PPM1H: variants seen among roughly 807,000 people sequenced by gnomAD.
PPM1H encodes protein phosphatase 1H.
PPM1H carries 27 observed loss-of-function variants against 54.9 expected under a neutral mutation model. The observed-to-expected ratio is 0.49, with a 90% confidence interval of 0.36 to 0.68. The LOEUF is 0.68. Ranked by LOEUF, PPM1H falls within the 30% of genes least tolerant of loss-of-function variation. PPM1H has a pLI of 0.00. For missense variants in PPM1H, 596 were observed against 667.8 expected (o/e 0.89, Z 1.19); for synonymous variants, 305 against 270.8 (o/e 1.13, Z -1.24).
intron 2 of PPM1H, among the ~76,000 whole-genome samples, chr12:62,811,685 T>C (rs1327132824): frequency 6.6e-6 from 1 of 152,168 alleles, no homozygotes; most frequent in Non-Finnish European, 1.5e-5. Flanking sequence ...TCACAAGATA[T>C]GATGGTTTCA....
chr12:62,825,218 T>A (rs1186614158), intron 2 of PPM1H, among the ~76,000 whole-genome samples: 1 of 152,080 alleles, frequency 6.6e-6, no homozygotes, highest in Non-Finnish European at 1.5e-5. Flanking sequence ...AGAGAGGCGA[T>A]TAAAAAGTCA....
intron 4 of PPM1H, among the ~76,000 whole-genome samples, chr12:62,752,718 C>T (rs1257630477): frequency 6.6e-6 from 1 of 152,084 alleles, no homozygotes; most frequent in Non-Finnish European, 1.5e-5. Context: ...ATAATTTATC[C>T]AAGGCTCTTA....
At chr12:62,827,903 G>T (rs200935238) in intron 2 of PPM1H, among the ~76,000 whole-genome samples, 2 of 152,224 alleles carry the variant, frequency 1.3e-5, no homozygotes, top group East Asian at 3.9e-4. Flanking sequence ...TCACTCCATT[G>T]TAGTACCACT....
intron 3 of PPM1H, 56 bp downstream of exon 3, chr12:62,801,760 G>A: frequency 6.3e-7 from 1 of 1,581,640 alleles, no homozygotes; most frequent in East Asian, 2.3e-5. Context: ...AGGACGGACA[G>A]ACCTGGCGCA....
At chr12:62,824,197 T>C (rs1019051562) in intron 2 of PPM1H, among the ~76,000 whole-genome samples, 4 of 152,268 alleles carry the variant, frequency 2.6e-5, no homozygotes, top group Non-Finnish European at 1.5e-5. Flanking sequence ...TTACAAGGGA[T>C]GTGAAGGGCC....
chr12:62,922,467 T>C (rs1342308739), intron 1 of PPM1H, among the ~76,000 whole-genome samples: 2 of 152,178 alleles, frequency 1.3e-5, no homozygotes, highest in East Asian at 1.9e-4. Flanking sequence ...TCCTCTTTTA[T>C]TGAATATAGA....
chr12:62,666,309 T>C (rs1315131948), intron 9 of PPM1H, among the ~76,000 whole-genome samples: 1 of 152,192 alleles, frequency 6.6e-6, no homozygotes, highest in Non-Finnish European at 1.5e-5. Flanking sequence ...TTCTGATGCC[T>C]CTGTTATTCC....
chr12:62,700,662 T>C (rs1025549398), intron 6 of PPM1H, among the ~76,000 whole-genome samples: 18 of 152,192 alleles, frequency 1.2e-4, no homozygotes, highest in Non-Finnish European at 2.2e-4. Context: ...CTCTGTGCAA[T>C]GATCTAGGCA....
intron 1 of PPM1H, among the ~76,000 whole-genome samples, chr12:62,880,265 C>G (rs1374528437): frequency 2.0e-5 from 3 of 152,202 alleles, no homozygotes; most frequent in African/African-American, 4.8e-5. Context: ...ACTGCTCTAA[C>G]AAAGTCAATG....
intron 1 of PPM1H, among the ~76,000 whole-genome samples, chr12:62,931,079 A>C (rs1872118162): frequency 6.6e-6 from 1 of 152,214 alleles, no homozygotes. Flanking sequence ...AGGGATTAAC[A>C]GTAAGTGGCA....
rs916077783 is a variant in PPM1H at position 62,663,980 on chromosome 12, G to A, written c.1397+3198C>T. ...GCACTCCAGCCTGGGCAACAAGAGC[G>A]AAACTCCATCTCAAAAAAAAAAAAA... On this transcript the variant is annotated intron_variant, in intron 9 of 9. Transcript: ENST00000228705. Among the ~76,000 whole-genome samples the A allele has an allele frequency of 3.4e-4, 44 of 128,458 alleles. 1 individual carries two copies. Among genetic ancestry groups the A allele is most frequent in the South Asian group, 5.7e-4 (2 of 3,522 alleles). 84.3% of individuals were successfully genotyped at this position (128,458 alleles called of 152,430 possible).
At chr12:62,895,251 G>A (rs1009245932) in intron 1 of PPM1H, among the ~76,000 whole-genome samples, 1 of 152,106 alleles carries the variant, frequency 6.6e-6, no homozygotes, top group Admixed American at 6.5e-5. Flanking sequence ...TAGAAGAGAG[G>A]GCAAGCCAAT....
intron 1 of PPM1H, among the ~76,000 whole-genome samples, chr12:62,862,446 A>G (rs1215916152): frequency 6.6e-6 from 1 of 152,254 alleles, no homozygotes; most frequent in Non-Finnish European, 1.5e-5. Context: ...CTGAGCATCT[A>G]TCGAGTCTTC....
intron 1 of PPM1H, among the ~76,000 whole-genome samples, chr12:62,871,828 C>T (rs1359907094): frequency 6.6e-6 from 1 of 152,016 alleles, no homozygotes; most frequent in African/African-American, 2.4e-5. Context: ...AATTGTATAT[C>T]TTAAATGGGT....
intron 2 of PPM1H, among the ~76,000 whole-genome samples, chr12:62,817,880 TCTCCC>T (rs1565797951): frequency 2.0e-5 from 3 of 152,170 alleles, no homozygotes; most frequent in African/African-American, 7.2e-5. Flanking sequence ...TCAGCTTTCC[TCTCCC>T]CTGCTGATGG....
intron 4 of PPM1H, among the ~76,000 whole-genome samples, chr12:62,748,276 A>G (rs1052802349): frequency 6.6e-6 from 1 of 151,912 alleles, no homozygotes; most frequent in African/African-American, 2.4e-5. Flanking sequence ...TCCTCCAAGT[A>G]AGACAAAGGG....
intron 4 of PPM1H, among the ~76,000 whole-genome samples, chr12:62,785,814 C>G (rs1340038948): frequency 6.9e-6 from 1 of 144,580 alleles, no homozygotes; most frequent in Non-Finnish European, 1.5e-5. Context: ...GTAGGTGGCT[C>G]TTTTAAGGAG....
intron 3 of PPM1H, 153 bp from the exon 4 acceptor site, chr12:62,788,491 C>T: frequency 1.7e-6 from 1 of 575,446 alleles, no homozygotes; most frequent in Non-Finnish European, 3.1e-6. Flanking sequence ...ACCTGATGAG[C>T]ATTTCTGGAG....
rs543565296 is a variant in PPM1H at position 62,697,133 on chromosome 12, C to CTTTTTTT, written c.1074-3141_1074-3135dup. Among the ~76,000 whole-genome samples, 39 of 146,532 alleles carry CTTTTTTT rather than the reference C, an allele frequency of 2.7e-4. 1 individual carries two copies. Among genetic ancestry groups the CTTTTTTT allele is most frequent in the South Asian group, 8.7e-4 (4 of 4,616 alleles). On this transcript the variant is annotated intron_variant, in intron 6 of 9. Transcript: ENST00000228705. ...GTCAGCAGAAGTGATGGTCTGTGTTCTTTTTTTTTTTGAGACAGAGTCTCG... is the reference window on the plus strand; with the variant it reads ...GTCAGCAGAAGTGATGGTCTGTGTTCTTTTTTTTTTTTTTTTTTGAGACAGAGTCTCG...
Sources: allele counts gnomAD v4.1 joint callset (sites outside exome capture counted in the v4.1 genomes callset), GRCh38; gene constraint gnomAD v4.1.1; transcripts MANE v1.5; gene names NCBI Gene and HGNC (gene_info 2026-07-23, HGNC 2026-07-21).